The following AMOTL1 variants were observed in gnomAD, a reference collection of about 807,000 sequenced individuals.
AMOTL1 encodes angiomotin-like protein 1.
In AMOTL1, 45 loss-of-function variants were observed where a neutral mutation model predicts 102.9. The observed-to-expected ratio is 0.44, with a 90% CI of 0.34 to 0.56. The LOEUF (loss-of-function observed/expected upper bound fraction) is 0.56. Ranked by LOEUF, AMOTL1 falls within the 20% of genes least tolerant of loss-of-function variation. The probability of loss-of-function intolerance (pLI) is 0.01; values close to 1 mark genes in which losing one functional copy is unlikely to be tolerated. For missense variants in AMOTL1, 1,114 were observed against 1,225.6 expected (o/e 0.91, Z 1.36); for synonymous variants, 481 against 484.7 (o/e 0.99, Z 0.10).
intron 9 of AMOTL1, among the ~76,000 whole-genome samples, chr11:94,860,208 G>A (rs1592044483): frequency 6.6e-6 from 1 of 152,132 alleles, no homozygotes; most frequent in African/African-American, 2.4e-5. Context: ...CAGCCCTGAG[G>A]GCAGGTATAT....
intron 3 of AMOTL1, among the ~76,000 whole-genome samples, chr11:94,752,828 A>G (rs1950673402): frequency 6.6e-6 from 1 of 152,158 alleles, no homozygotes; most frequent in Non-Finnish European, 1.5e-5. Context: ...TGTGGAAAAT[A>G]CAGGGTTTGG....
At chr11:94,794,904 C>T in intron 1 of AMOTL1, 107 bp from the exon 2 acceptor site, 1 of 1,267,488 alleles carries the variant, frequency 7.9e-7, no homozygotes, top group Non-Finnish European at 1.1e-6. Flanking sequence ...GCTCCCTCTG[C>T]CAAGTTGAAA....
chr11:94,852,105 TCA>T (rs1464138861), intron 7 of AMOTL1, among the ~76,000 whole-genome samples: 2 of 152,172 alleles, frequency 1.3e-5, no homozygotes, highest in African/African-American at 4.8e-5. Context: ...GGTGTATGAA[TCA>T]CACACACAAA....
chr11:94,869,922 G>T (rs1422819542), intron 12 of AMOTL1, among the ~76,000 whole-genome samples: 1 of 152,214 alleles, frequency 6.6e-6, no homozygotes, highest in African/African-American at 2.4e-5. Context: ...TTGACCTGCA[G>T]AGTCGGTTAA....
At chr11:94,807,501 A>G (rs568338047) in intron 3 of AMOTL1, among the ~76,000 whole-genome samples, 1 of 152,316 alleles carries the variant, frequency 6.6e-6, no homozygotes, top group South Asian at 2.1e-4. Context: ...TTAAGTAGCC[A>G]TACATGTTCA....
intron 4 of AMOTL1, among the ~76,000 whole-genome samples, chr11:94,829,453 T>C (rs899696834): frequency 1.3e-5 from 2 of 152,056 alleles, no homozygotes; most frequent in African/African-American, 4.8e-5. Context: ...ACTCCTGACC[T>C]CAGGTGATCC....
At position 94,768,414 on chromosome 11, in the gene AMOTL1, G is replaced by A; in HGVS notation, c.-98G>A. ...TGTCGGGTTTGGGGCTGGAGGTGAA[G>A]CCCTGTGTGAATGGGGTTGATTGTC... On this transcript the variant is annotated 5_prime_UTR_variant, in exon 1 of 13. Transcript: ENST00000433060. 4 of 1,535,250 alleles carry A rather than the reference G, an allele frequency of 2.6e-6. No homozygotes were observed. The highest frequency in any genetic ancestry group is 1.2e-5 in the South Asian group (1 of 83,290).
chr11:94,856,390 A>G (rs958156595), intron 8 of AMOTL1, among the ~76,000 whole-genome samples: 2 of 152,162 alleles, frequency 1.3e-5, no homozygotes, highest in Non-Finnish European at 2.9e-5. Flanking sequence ...TACTGGTTCC[A>G]TGTGGCAGAT....
chr11:94,774,188 CT>C (rs1950992742), intron 1 of AMOTL1, among the ~76,000 whole-genome samples: 1 of 152,250 alleles, frequency 6.6e-6, no homozygotes, highest in South Asian at 2.1e-4. Flanking sequence ...CCTGGAACCC[CT>C]GTTCTTACTC....
intron 3 of AMOTL1, among the ~76,000 whole-genome samples, chr11:94,748,018 T>C (rs1341257210): frequency 6.6e-6 from 1 of 152,194 alleles, no homozygotes; most frequent in South Asian, 2.1e-4. Flanking sequence ...ACATTGGTGA[T>C]CACTAGCTGA....
chr11:94,768,221 C>T (rs1241214687), upstream of AMOTL1: 3 of 1,118,170 alleles, frequency 2.7e-6, no homozygotes, highest in South Asian at 4.0e-5. Context: ...GGAGGGGCGG[C>T]GGGTGTCTGC....
At chr11:94,815,409 TA>T (rs1345790066) in intron 3 of AMOTL1, among the ~76,000 whole-genome samples, 1 of 152,160 alleles carries the variant, frequency 6.6e-6, no homozygotes, top group Non-Finnish European at 1.5e-5. Context: ...CCACAGGTTA[TA>T]AAATGGTTAA....
At chr11:94,794,660 C>A (rs1290726640) in intron 1 of AMOTL1, among the ~76,000 whole-genome samples, 1 of 152,212 alleles carries the variant, frequency 6.6e-6, no homozygotes, top group Non-Finnish European at 1.5e-5. Context: ...TTTCTGTCCT[C>A]AACCTTGACC....
intron 1 of AMOTL1, among the ~76,000 whole-genome samples, chr11:94,787,682 C>T (rs1372498401): frequency 5.8e-5 from 5 of 86,594 alleles, no homozygotes; most frequent in Non-Finnish European, 7.8e-5. Flanking sequence ...AGCGAAACTC[C>T]GTCTCAAAAA....
chr11:94,827,698 G>A (rs1322740910), intron 4 of AMOTL1, among the ~76,000 whole-genome samples: 4 of 152,168 alleles, frequency 2.6e-5, no homozygotes, highest in African/African-American at 4.8e-5. Context: ...AGGTGGTACC[G>A]AAGGGAACCT....
At chr11:94,859,736 G>A in intron 9 of AMOTL1, 21 bp downstream of exon 9, 1 of 1,578,900 alleles carries the variant, frequency 6.3e-7, no homozygotes, top group Non-Finnish European at 8.6e-7. Flanking sequence ...TGGAACTCTG[G>A]TGGTCATAAA....
At chr11:94,743,564 C>G (rs1371771901) in intron 3 of AMOTL1, among the ~76,000 whole-genome samples, 1 of 150,698 alleles carries the variant, frequency 6.6e-6, no homozygotes, top group African/African-American at 2.5e-5. Context: ...TTCGGGAGCA[C>G]AGATGAGCAC....
chr11:94,815,862 G>A (rs146084930), intron 3 of AMOTL1, among the ~76,000 whole-genome samples: 17 of 152,026 alleles, frequency 1.1e-4, no homozygotes, highest in Non-Finnish European at 1.6e-4. Context: ...GGGATATTCA[G>A]GACAAACCAG....
In AMOTL1 at chr11:94,830,036, G is replaced by A. The variant is rs1351050044; in HGVS notation, c.1414-14G>A. On this transcript the variant is annotated splice_polypyrimidine_tract_variant and intron_variant, in intron 4 of 12. Coordinates refer to ENST00000433060, the MANE Select transcript of AMOTL1 (RefSeq NM_130847.3). ...TGTCAAAGGTACCACTTTAATGCCAGTTCTTTCTTTTAGTTTGAAAAAGAA... is the reference window on the plus strand; with the variant it reads ...TGTCAAAGGTACCACTTTAATGCCAATTCTTTCTTTTAGTTTGAAAAAGAA... 8 of 1,583,654 alleles carry A rather than the reference G, an allele frequency of 5.1e-6. No individual in the cohort carries two copies. In the Middle Eastern group the frequency reaches 5.0e-4, roughly 100 times the overall value.
Sources: allele counts gnomAD v4.1 joint callset (sites outside exome capture counted in the v4.1 genomes callset), GRCh38; gene constraint gnomAD v4.1.1; transcripts MANE v1.5; gene names NCBI Gene and HGNC (gene_info 2026-07-23, HGNC 2026-07-21).